CNTNAP5: variants seen among roughly 807,000 people sequenced by gnomAD.
CNTNAP5 encodes the protein contactin-associated protein-like 5.
CNTNAP5 carries 72 observed loss-of-function variants against 150.2 expected under a neutral mutation model. The ratio of observed to expected loss-of-function variants is 0.48; its 90% CI spans 0.40 to 0.58. The LOEUF (loss-of-function observed/expected upper bound fraction) is 0.58, where lower values mean the gene tolerates loss of function less well. Among genes scored for constraint, CNTNAP5 ranks in the 20% least tolerant of loss-of-function variants. The probability of loss-of-function intolerance (pLI) is 0.00; values close to 1 mark genes in which losing one functional copy is unlikely to be tolerated. For synonymous variants in CNTNAP5, 672 were observed against 619.8 expected (o/e 1.08, Z -1.25); for missense variants, 1,636 against 1,626.2 (o/e 1.01, Z -0.10).
intron 1 of CNTNAP5, among the ~76,000 whole-genome samples, chr2:124,040,323 A>C (rs1395233500): frequency 6.6e-6 from 1 of 152,174 alleles, no homozygotes; most frequent in African/African-American, 2.4e-5. Context: ...TAGTAAGTAC[A>C]CATTGGATTA....
chr2:124,218,554 AT>A (rs1175287988), intron 1 of CNTNAP5, among the ~76,000 whole-genome samples: 1 of 152,098 alleles, frequency 6.6e-6, no homozygotes, highest in Non-Finnish European at 1.5e-5. Context: ...CTGCTGAAAA[AT>A]CTTCCTTGGA....
chr2:124,700,038 A>G (rs1040270626), intron 13 of CNTNAP5, among the ~76,000 whole-genome samples: 2 of 152,170 alleles, frequency 1.3e-5, no homozygotes, highest in South Asian at 2.1e-4. Context: ...TTTGGCAACC[A>G]TTAACACTAA....
At chr2:124,644,663 C>G (rs1678166554) in intron 12 of CNTNAP5, among the ~76,000 whole-genome samples, 1 of 152,072 alleles carries the variant, frequency 6.6e-6, no homozygotes, top group Non-Finnish European at 1.5e-5. Flanking sequence ...AGACTGGGGA[C>G]AAGTCTAAGA....
At chr2:124,476,762 G>C (rs1693649895) in intron 7 of CNTNAP5, among the ~76,000 whole-genome samples, 1 of 152,082 alleles carries the variant, frequency 6.6e-6, no homozygotes, top group Non-Finnish European at 1.5e-5. Flanking sequence ...CAGTGGAAAT[G>C]GGGCCATAGT....
intron 1 of CNTNAP5, among the ~76,000 whole-genome samples, chr2:124,127,517 T>C (rs1366358856): frequency 6.6e-6 from 1 of 152,130 alleles, no homozygotes; most frequent in African/African-American, 2.4e-5. Context: ...GCCATCCCCA[T>C]CAAGCTACTA....
chr2:124,674,546 T>TCTTTCTTTCTTCCTTTCTTC (rs755126208), intron 13 of CNTNAP5, among the ~76,000 whole-genome samples: 8 of 130,298 alleles, frequency 6.1e-5, no homozygotes, highest in African/African-American at 2.4e-4. Flanking sequence ...TTTCTTTCTT[T>TCTTTCTTTCTTCCTTTCTTC]CTTTCTTCCT....
At chr2:124,582,532 C>T (rs1022759677) in intron 11 of CNTNAP5, among the ~76,000 whole-genome samples, 9 of 152,108 alleles carry the variant, frequency 5.9e-5, no homozygotes, top group African/African-American at 2.2e-4. Flanking sequence ...CTCTTGCCTA[C>T]CTGGGCTAGC....
intron 19 of CNTNAP5, among the ~76,000 whole-genome samples, chr2:124,832,188 A>G (rs542187872): frequency 6.6e-6 from 1 of 152,222 alleles, no homozygotes; most frequent in East Asian, 1.9e-4. Context: ...GATTCTGAAG[A>G]CAATTTTATT....
chr2:124,757,577 A>G (rs1239465798), intron 14 of CNTNAP5, among the ~76,000 whole-genome samples: 1 of 152,214 alleles, frequency 6.6e-6, no homozygotes, highest in East Asian at 1.9e-4. Flanking sequence ...TGGCCTTTCC[A>G]TTTGCAAATG....
intron 19 of CNTNAP5, among the ~76,000 whole-genome samples, chr2:124,809,084 A>G (rs1002217466): frequency 2.6e-5 from 4 of 152,048 alleles, no homozygotes; most frequent in African/African-American, 9.7e-5. Flanking sequence ...ATGTCCCCTC[A>G]TTGAAAAAAA....
At chr2:124,840,583 A>T (rs768116524) in intron 19 of CNTNAP5, among the ~76,000 whole-genome samples, 17 of 152,002 alleles carry the variant, frequency 1.1e-4, no homozygotes, top group Non-Finnish European at 2.4e-4. Flanking sequence ...GAACAGGTGG[A>T]CTCAGAGGCA....
chr2:124,194,652 T>G (rs999332369), intron 1 of CNTNAP5, among the ~76,000 whole-genome samples: 1 of 150,660 alleles, frequency 6.6e-6, no homozygotes. Flanking sequence ...TTTCTTACCT[T>G]AGGTTGCCAC....
intron 3 of CNTNAP5, among the ~76,000 whole-genome samples, chr2:124,335,496 T>C (rs1689448283): frequency 6.6e-6 from 1 of 151,428 alleles, no homozygotes; most frequent in Non-Finnish European, 1.5e-5. Context: ...ACCAAAGTTC[T>C]TTTTATGATG....
At chr2:124,859,575 T>C (rs1677464893) in intron 19 of CNTNAP5, among the ~76,000 whole-genome samples, 1 of 152,146 alleles carries the variant, frequency 6.6e-6, no homozygotes, top group South Asian at 2.1e-4. Flanking sequence ...ACCCAAAGGA[T>C]TATAAATCAT....
intron 1 of CNTNAP5, among the ~76,000 whole-genome samples, chr2:124,086,188 CTTTTTTTTT>C (rs57849633): frequency 7.8e-4 from 64 of 82,010 alleles, no homozygotes; most frequent in African/African-American, 2.3e-3. Flanking sequence ...GGTGTACACA[CTTTTTTTTT>C]TTTTTTTTTT....
chr2:124,208,109 T>C (rs1044891165), intron 1 of CNTNAP5, among the ~76,000 whole-genome samples: 3 of 152,152 alleles, frequency 2.0e-5, no homozygotes, highest in African/African-American at 7.2e-5. Flanking sequence ...AGGCCTGAAA[T>C]GTCTCAAAAA....
intron 6 of CNTNAP5, among the ~76,000 whole-genome samples, chr2:124,450,259 GAT>G (rs767621587): frequency 6.7e-6 from 1 of 150,074 alleles, no homozygotes; most frequent in Non-Finnish European, 1.5e-5. Context: ...ATATACTTCT[GAT>G]ATATATATAT....
intron 11 of CNTNAP5, among the ~76,000 whole-genome samples, chr2:124,594,353 A>G (rs1303800768): frequency 1.3e-5 from 2 of 151,158 alleles, no homozygotes; most frequent in East Asian, 4.0e-4. Flanking sequence ...CTTTCTACAT[A>G]TGGCTAGCCA....
chr2:124,811,137 C>T (rs1336631606), intron 19 of CNTNAP5, among the ~76,000 whole-genome samples: 1 of 151,706 alleles, frequency 6.6e-6, no homozygotes, highest in East Asian at 1.9e-4. Context: ...TAGACCTATA[C>T]AGAAAGCATG....
Sources: gnomAD v4.1 joint callset for allele counts (sites outside exome capture counted in the v4.1 genomes callset) on GRCh38, gnomAD v4.1.1 for gene constraint, MANE v1.5 for transcripts, NCBI Gene and HGNC (gene_info 2026-07-23, HGNC 2026-07-21) for gene names.